The following MMD2 variants were observed in gnomAD, a reference collection of about 807,000 sequenced individuals.
MMD2 encodes monocyte to macrophage differentiation associated 2, also known as monocyte to macrophage differentiation factor 2.
In MMD2, 30 loss-of-function variants were observed where a neutral mutation model predicts 33.5. That is an observed-to-expected ratio of 0.90 (90% CI 0.67 to 1.22). The LOEUF is 1.22. Ranked by LOEUF, MMD2 falls within the 50% of genes most tolerant of loss-of-function variation. The probability of loss-of-function intolerance (pLI) is 0.00; values close to 1 mark genes in which losing one functional copy is unlikely to be tolerated. For synonymous variants in MMD2, 129 were observed against 123.0 expected, an observed-to-expected ratio of 1.05 and a Z score of -0.32; for missense variants, 364 against 325.4, an observed-to-expected ratio of 1.12 and a Z score of -0.91.
rs753585457 is a variant in MMD2, at chr7:4,911,139, G to C, written c.467+6C>G. On this transcript the variant is annotated splice_donor_region_variant and intron_variant, in intron 5 of 6. Coordinates refer to ENST00000401401, the MANE Select transcript of MMD2 (RefSeq NM_198403.4). ...CGCCTCCCTGAAGCCCCCAGGCCTG[G>C]CTTACCGCTCATGGAAGAAGAAGAC... The C allele has an allele frequency of 1.1e-5, 18 of 1,570,204 alleles. No individual in the cohort carries two copies. The South Asian group carries it at 1.6e-4, about 14-fold the overall frequency.
chr7:4,954,744 G>A (rs964285951), intron 1 of MMD2, among the ~76,000 whole-genome samples: 16 of 152,062 alleles, frequency 1.1e-4, no homozygotes, highest in African/African-American at 3.9e-4. Flanking sequence ...ATGTAGTCAA[G>A]TTCATCAATC....
the MMD2 span, among the ~76,000 whole-genome samples, chr7:4,900,288 T>A: frequency 6.6e-6 from 1 of 151,986 alleles, no homozygotes; most frequent in African/African-American, 2.4e-5. Flanking sequence ...AAAACAGTAA[T>A]TTCATCTTGT....
rs1785871932 is a variant in MMD2 at position 4,940,335 on chromosome 7, G to A, written c.48-14803C>T. ...ACCCAGCTGGGGTCTATGGCCCCCA[G>A]AAAGAAGCCTGACCCCTTTCATGAA... On this transcript the variant is annotated intron_variant, in intron 1 of 6. Transcript: ENST00000401401. This position sits in a 1 kb window ranked among gnomAD's most constrained non-coding sequence, Gnocchi z 5.0. 6.6e-6 allele frequency among the ~76,000 whole-genome samples: 1 copy of A among 152,198 alleles called. No homozygotes were observed.
chr7:4,898,861 C>T, the MMD2 span, among the ~76,000 whole-genome samples: 11 of 152,004 alleles, frequency 7.2e-5, no homozygotes, highest in South Asian at 2.1e-4. Flanking sequence ...ATCACACTAT[C>T]GCACTCCAGC....
Position 4,907,088 on chromosome 7 carries a change from T to C in MMD2, c.*308A>G. The C allele has an allele frequency of 2.8e-6, 1 of 359,170 alleles. No homozygotes were observed. Among genetic ancestry groups the C allele is most frequent in the Non-Finnish European group, 5.2e-6 (1 of 193,698 alleles). The allele number at this position is 359,170 out of a possible 1,614,324, so 22.2% of individuals were successfully genotyped here. A position where few individuals can be genotyped will look rare whatever the true frequency, so the allele number is the denominator to read the frequency against. ...TTAGGAAACACAGATTGGCCCGTCA[T>C]TCCCCAATTTTCCAGGACCATGCCT... is the stretch of plus-strand genomic sequence containing the variant. On this transcript the variant is annotated 3_prime_UTR_variant, in exon 7 of 7. Coordinates refer to ENST00000401401, the MANE Select transcript of MMD2 (RefSeq NM_198403.4).
chr7:4,950,154 C>T (rs753553480), intron 1 of MMD2, among the ~76,000 whole-genome samples: 17 of 151,654 alleles, frequency 1.1e-4, no homozygotes, highest in African/African-American at 2.7e-4. Flanking sequence ...GGCTGGAGTG[C>T]GATGGGCAAT....
intron 1 of MMD2, among the ~76,000 whole-genome samples, chr7:4,953,284 G>A (rs957278378): frequency 3.3e-5 from 5 of 151,586 alleles, no homozygotes; most frequent in Non-Finnish European, 7.4e-5. Flanking sequence ...GCACCGCCTG[G>A]CTACTTCCAA....
the MMD2 span, among the ~76,000 whole-genome samples, chr7:4,892,537 G>A: frequency 2.1e-4 from 32 of 151,270 alleles, no homozygotes; most frequent in Middle Eastern, 3.4e-3. Flanking sequence ...GCAGTGAGCC[G>A]AGATCGCATT....
chr7:4,941,721 G>A (rs60966612), intron 1 of MMD2, among the ~76,000 whole-genome samples: 30,816 of 150,808 alleles, frequency 0.2, 4,246 homozygotes, highest in African/African-American at 0.38. Flanking sequence ...GCTGTTTTAG[G>A]TTCAGGGGTA....
chr7:4,950,583 A>G (rs1298083108), intron 1 of MMD2, among the ~76,000 whole-genome samples: 2 of 152,130 alleles, frequency 1.3e-5, no homozygotes, highest in Non-Finnish European at 2.9e-5. Context: ...GACCTCAGAT[A>G]AGTGGAATCA....
chr7:4,940,496 G>A lies in MMD2; in HGVS notation c.48-14964C>T, dbSNP rs530938959. Among the ~76,000 whole-genome samples, 223 of 152,296 alleles carry A rather than the reference G, an allele frequency of 1.5e-3. No individual in the cohort carries two copies. Among genetic ancestry groups the A allele is most frequent in the African/African-American group, 4.4e-3 (181 of 41,590 alleles). On this transcript the variant is annotated intron_variant, in intron 1 of 6. Transcript: ENST00000401401. This position sits in a 1 kb window ranked among gnomAD's most constrained non-coding sequence, Gnocchi z 5.0. ...CTCCTACACAAAGGGGGTTCTGTCC[G>A]TCTGTCCCACAGAGGCAAGGGACCA...
At chr7:4,933,815 TAG>T (rs1785660751) in intron 1 of MMD2, among the ~76,000 whole-genome samples, 1 of 152,050 alleles carries the variant, frequency 6.6e-6, no homozygotes. Context: ...AAATTTTTTG[TAG>T]AGACAGGCTC....
the MMD2 span, among the ~76,000 whole-genome samples, chr7:4,896,813 C>A: frequency 6.6e-6 from 1 of 152,064 alleles, no homozygotes; most frequent in Non-Finnish European, 1.5e-5. Context: ...CCATTTATAT[C>A]AGCAATAATT....
At chr7:4,934,115 A>G (rs1785670293) in intron 1 of MMD2, among the ~76,000 whole-genome samples, 1 of 151,988 alleles carries the variant, frequency 6.6e-6, no homozygotes, top group African/African-American at 2.4e-5. Flanking sequence ...TTTTGACTAC[A>G]GATGAGGTTT....
At position 4,940,734 on chromosome 7, in the gene MMD2, G is replaced by A. The variant is rs570615910; in HGVS notation, c.48-15202C>T. On this transcript the variant is annotated intron_variant, in intron 1 of 6. Coordinates refer to ENST00000401401, the MANE Select transcript of MMD2 (RefSeq NM_198403.4). This position sits in a 1 kb window ranked among gnomAD's most constrained non-coding sequence, Gnocchi z 5.0. ...GGGCAGACAGTGATGGGAACAGGAA[G>A]GGGAAACTGAGCAAGGGGTGGAAGG... Among the ~76,000 whole-genome samples the A allele has an allele frequency of 1.7e-4, 26 of 152,304 alleles. No homozygotes were observed. Among genetic ancestry groups the A allele is most frequent in the African/African-American group, 5.8e-4 (24 of 41,574 alleles).
intron 3 of MMD2, among the ~76,000 whole-genome samples, chr7:4,916,514 C>A (rs1157212531): frequency 6.6e-6 from 1 of 151,320 alleles, no homozygotes; most frequent in African/African-American, 2.4e-5. Flanking sequence ...TTCCAAGTAG[C>A]TGGGATTACA....
chr7:4,939,119 T>C (rs1176097973), intron 1 of MMD2, among the ~76,000 whole-genome samples: 1 of 152,042 alleles, frequency 6.6e-6, no homozygotes, highest in Admixed American at 6.6e-5. Flanking sequence ...GGAGAATCAC[T>C]TGAACTAGAG....
At chr7:4,934,822 A>T (rs572929045) in intron 1 of MMD2, among the ~76,000 whole-genome samples, 1 of 152,330 alleles carries the variant, frequency 6.6e-6, no homozygotes, top group East Asian at 1.9e-4. Context: ...AAATTGCTTA[A>T]CGTCTCTGGG....
chr7:4,944,622 A>T (rs1786000269), intron 1 of MMD2, among the ~76,000 whole-genome samples: 1 of 152,228 alleles, frequency 6.6e-6, no homozygotes, highest in African/African-American at 2.4e-5. Flanking sequence ...CCATGGGTCC[A>T]GTGTGCCATC....
Sources: gnomAD v4.1 joint callset for allele counts (sites outside exome capture counted in the v4.1 genomes callset) on GRCh38, gnomAD v4.1.1 for gene constraint, Gnocchi (gnomAD v3.1) non-coding constraint, MANE v1.5 for transcripts, NCBI Gene and HGNC (gene_info 2026-07-23, HGNC 2026-07-21) for gene names.